Variants in OPCML observed in about 807,000 individuals in gnomAD.
OPCML encodes the protein opioid-binding protein/cell adhesion molecule.
A neutral mutation model predicts 37.8 loss-of-function variants in OPCML; 13 were observed. The ratio of observed to expected loss-of-function variants is 0.34; its 90% confidence interval spans 0.22 to 0.55. OPCML has a LOEUF of 0.55. OPCML is among the 20% of genes least tolerant of loss of function. The pLI, the probability that OPCML is intolerant of heterozygous loss-of-function variation, is 0.91. For missense variants in OPCML, 341 were observed against 435.6 expected, an observed-to-expected ratio of 0.78 and a Z score of 1.93; for synonymous variants, 176 against 168.8, an observed-to-expected ratio of 1.04 and a Z score of -0.33.
At chr11:132,510,104 G>C (rs765587822) in intron 4 of OPCML, among the ~76,000 whole-genome samples, 1 of 152,218 alleles carries the variant, frequency 6.6e-6, no homozygotes, top group Non-Finnish European at 1.5e-5. Flanking sequence ...GGAGTCAAAG[G>C]AGATCATTTT....
At chr11:132,811,635 A>C (rs1045713247) in intron 2 of OPCML, among the ~76,000 whole-genome samples, 5 of 152,158 alleles carry the variant, frequency 3.3e-5, no homozygotes, top group African/African-American at 9.7e-5. Flanking sequence ...ACAGAGACAG[A>C]TCCTATGCCG....
intron 3 of OPCML, among the ~76,000 whole-genome samples, chr11:132,618,934 T>C (rs1488390040): frequency 6.7e-6 from 1 of 148,640 alleles, no homozygotes; most frequent in African/African-American, 2.5e-5. Flanking sequence ...TTAATCATTG[T>C]ACACACACAA....
At chr11:132,849,954 G>A (rs891063430) in intron 2 of OPCML, among the ~76,000 whole-genome samples, 8 of 152,176 alleles carry the variant, frequency 5.3e-5, no homozygotes, top group South Asian at 2.1e-4. Flanking sequence ...AGCAGATGAC[G>A]CACCAGCTCC....
At chr11:132,659,378 A>G (rs530854977) in intron 2 of OPCML, among the ~76,000 whole-genome samples, 3 of 152,318 alleles carry the variant, frequency 2.0e-5, no homozygotes, top group Non-Finnish European at 4.4e-5. Flanking sequence ...AATTTTCATA[A>G]AGGAGAAATC....
At chr11:133,033,846 A>G (rs1947717560) in intron 1 of OPCML, among the ~76,000 whole-genome samples, 1 of 152,226 alleles carries the variant, frequency 6.6e-6, no homozygotes, top group Non-Finnish European at 1.5e-5. Context: ...ATCAACTCAC[A>G]GCAATACTGA....
rs942304372 is a variant in OPCML at position 133,208,050 on chromosome 11, G to A, written c.62-265040C>T. 6.6e-6 allele frequency among the ~76,000 whole-genome samples: 1 copy of A among 152,158 alleles called. No individual in the cohort carries two copies. The highest frequency in any genetic ancestry group is 1.5e-5 in the Non-Finnish European group (1 of 68,040). On this transcript the variant is annotated intron_variant, in intron 1 of 7. Transcript: ENST00000524381. The surrounding 1 kb of genome is among the most constrained non-coding windows in gnomAD (Gnocchi z 8.9). ...ATTTAACCACCCTAGGCAAGGTTAAGAGCTCCTTACTCTGAGCTCCCATAG... is the reference window on the plus strand; with the variant it reads ...ATTTAACCACCCTAGGCAAGGTTAAAAGCTCCTTACTCTGAGCTCCCATAG...
intron 1 of OPCML, among the ~76,000 whole-genome samples, chr11:133,433,488 T>C (rs1481000458): frequency 6.6e-6 from 1 of 152,224 alleles, no homozygotes; most frequent in Non-Finnish European, 1.5e-5. Flanking sequence ...CTACATGTTT[T>C]ACAAAATTGT....
chr11:132,638,163 C>CTATATATATATATATATA (rs71905540), intron 3 of OPCML, among the ~76,000 whole-genome samples: 11,527 of 126,072 alleles, frequency 0.091, 955 homozygotes, highest in Non-Finnish European at 0.13. Context: ...TATATACAGA[C>CTATATATATATATATATA]TATATATATA....
At chr11:132,717,207 C>T (rs1944525846) in intron 2 of OPCML, among the ~76,000 whole-genome samples, 1 of 152,078 alleles carries the variant, frequency 6.6e-6, no homozygotes, top group South Asian at 2.1e-4. Context: ...TGCTAACAGT[C>T]TTACTTTTTA....
intron 4 of OPCML, among the ~76,000 whole-genome samples, chr11:132,498,266 A>C (rs889459580): frequency 5.3e-5 from 8 of 152,226 alleles, no homozygotes; most frequent in African/African-American, 1.9e-4. Context: ...GATTTTACAG[A>C]GTTAATGGTC....
intron 1 of OPCML, among the ~76,000 whole-genome samples, chr11:133,512,478 T>G (rs1039878001): frequency 1.1e-4 from 17 of 152,202 alleles, no homozygotes; most frequent in African/African-American, 4.1e-4. Context: ...AATCCTGTCC[T>G]TTGGCTTTTT....
chr11:132,849,904 C>T (rs1316658894), intron 2 of OPCML, among the ~76,000 whole-genome samples: 7 of 152,204 alleles, frequency 4.6e-5, no homozygotes, highest in Admixed American at 6.5e-5. Flanking sequence ...GACTGTGAAA[C>T]TGTGTCATGG....
intron 3 of OPCML, among the ~76,000 whole-genome samples, chr11:132,565,147 T>A (rs1290099126): frequency 6.6e-6 from 1 of 152,200 alleles, no homozygotes; most frequent in African/African-American, 2.4e-5. Context: ...CACATGGGCA[T>A]CTCCCAAAAA....
chr11:133,501,042 C>T (rs775870843), intron 1 of OPCML, among the ~76,000 whole-genome samples: 2 of 152,120 alleles, frequency 1.3e-5, no homozygotes, highest in Non-Finnish European at 2.9e-5. Context: ...CCTGTGGCAG[C>T]TCCAGCACCA....
At chr11:132,875,806 C>T (rs777948726) in intron 2 of OPCML, among the ~76,000 whole-genome samples, 6 of 152,230 alleles carry the variant, frequency 3.9e-5, no homozygotes, top group Non-Finnish European at 7.4e-5. Context: ...CAGCAGAGGC[C>T]GTGCTGGGTG....
chr11:133,095,793 A>G (rs1948993343), intron 1 of OPCML, among the ~76,000 whole-genome samples: 1 of 151,748 alleles, frequency 6.6e-6, no homozygotes, highest in African/African-American at 2.4e-5. Context: ...ATGTAAGTAC[A>G]GAGTAGAGTG....
chr11:133,025,997 G>C (rs1947548294), intron 1 of OPCML: 1 of 933,134 alleles, frequency 1.1e-6, no homozygotes, highest in Non-Finnish European at 1.3e-6. Flanking sequence ...GGCCACCAAA[G>C]GTGCTGGGAT....
intron 1 of OPCML, among the ~76,000 whole-genome samples, chr11:133,332,041 G>C (rs1943631154): frequency 6.6e-6 from 1 of 152,136 alleles, no homozygotes; most frequent in Non-Finnish European, 1.5e-5. Flanking sequence ...TCATTTGAAC[G>C]ATAATGATTC....
chr11:132,549,172 T>C (rs1040304339), intron 3 of OPCML, among the ~76,000 whole-genome samples: 2 of 152,150 alleles, frequency 1.3e-5, no homozygotes, highest in African/African-American at 2.4e-5. Context: ...AAAACCAAGA[T>C]GGCGAAGAAA....
Sources: allele counts gnomAD v4.1 joint callset (sites outside exome capture counted in the v4.1 genomes callset), GRCh38; gene constraint gnomAD v4.1.1; non-coding constraint Gnocchi (gnomAD v3.1); transcripts MANE v1.5; gene names NCBI Gene and HGNC (gene_info 2026-07-23, HGNC 2026-07-21).